The following TEX9 variants were observed in gnomAD, a reference collection of about 807,000 sequenced individuals.
TEX9 encodes testis expressed 9, also known as testis-expressed protein 9.
TEX9 carries 74 observed loss-of-function variants against 59.6 expected under a neutral mutation model. That is an observed-to-expected ratio of 1.24 (90% CI 1.03 to 1.51). The LOEUF (loss-of-function observed/expected upper bound fraction) is 1.51, where lower values mean the gene tolerates loss of function less well. Ranked by LOEUF, TEX9 falls within the 40% of genes most tolerant of loss-of-function variation. The probability of loss-of-function intolerance (pLI) is 0.00; values close to 1 mark genes in which losing one functional copy is unlikely to be tolerated. For missense variants in TEX9, 522 were observed against 447.8 expected, an observed-to-expected ratio of 1.17 and a Z score of -1.49; for synonymous variants, 186 against 152.2, an observed-to-expected ratio of 1.22 and a Z score of -1.64.
intron 1 of TEX9, among the ~76,000 whole-genome samples, chr15:56,358,225 G>A (rs2046720459): frequency 6.6e-6 from 1 of 152,064 alleles, no homozygotes; most frequent in Non-Finnish European, 1.5e-5. Flanking sequence ...ATTCTTAAAT[G>A]CCTACTATCA....
intron 2 of TEX9, among the ~76,000 whole-genome samples, chr15:56,368,399 CCTTT>C (rs2047040821): frequency 6.6e-6 from 1 of 152,018 alleles, no homozygotes; most frequent in Non-Finnish European, 1.5e-5. Flanking sequence ...TACTTCTTTT[CCTTT>C]CTGTTTTTGA....
intron 1 of TEX9, chr15:56,248,706 C>G (rs376313340): frequency 6.6e-6 from 1 of 152,112 alleles, no homozygotes; most frequent in South Asian, 2.1e-4. Flanking sequence ...TAACTTGGGC[C>G]AAAAAGTCCC....
intron 1 of TEX9, among the ~76,000 whole-genome samples, chr15:56,313,234 G>A (rs1439007636): frequency 7.6e-6 from 1 of 131,222 alleles, no homozygotes; most frequent in African/African-American, 2.8e-5. Flanking sequence ...AGTTTTCAAA[G>A]GGAATGCTTC....
chr15:56,310,768 G>A (rs1375094257), intron 1 of TEX9, among the ~76,000 whole-genome samples: 1 of 152,164 alleles, frequency 6.6e-6, no homozygotes. Flanking sequence ...GAGGGTCAGG[G>A]AGCACAGAAC....
At chr15:56,246,981 T>C (rs527983901) in intron 1 of TEX9, among the ~76,000 whole-genome samples, 44 of 152,326 alleles carry the variant, frequency 2.9e-4, no homozygotes, top group Admixed American at 5.2e-4. Flanking sequence ...ATCTACAAGA[T>C]GGATTGTCAG....
At chr15:56,430,393 A>G (rs1241041810) in intron 12 of TEX9, among the ~76,000 whole-genome samples, 1 of 151,994 alleles carries the variant, frequency 6.6e-6, no homozygotes, top group African/African-American at 2.4e-5. Flanking sequence ...TTTTGTAGCA[A>G]TGGCATCTCC....
At chr15:56,323,507 C>G (rs551494640) in intron 1 of TEX9, 18 of 196,974 alleles carry the variant, frequency 9.1e-5, no homozygotes, top group African/African-American at 4.3e-4. Flanking sequence ...GCACAAATGA[C>G]AAGCAGCCTT....
Position 56,280,879 on chromosome 15 carries a change from A to G in TEX9, c.-107+36601A>G, listed in dbSNP as rs374899114. 6.6e-5 allele frequency among the ~76,000 whole-genome samples: 10 copies of G among 152,354 alleles called. No homozygotes were observed. The East Asian group carries it at 1.9e-3, about 29-fold the overall frequency. On this transcript the variant is annotated intron_variant, in intron 1 of 5. Coordinates refer to the TEX9 transcript ENST00000560827. ...AACTTACGCCTAGCATAGATCTGCT[A>G]AAGTAATTTCAACCATGTGCTGGGG...
chr15:56,348,008 A>AT (rs2046504849), intron 1 of TEX9, among the ~76,000 whole-genome samples: 1 of 152,116 alleles, frequency 6.6e-6, no homozygotes, highest in African/African-American at 2.4e-5. Flanking sequence ...GCATGTATTT[A>AT]TAGACATCAA....
chr15:56,415,310 C>A lies in TEX9; in HGVS notation c.963+2874C>A, dbSNP rs962541545. Among the ~76,000 whole-genome samples the A allele has an allele frequency of 2.6e-5, 4 of 151,926 alleles. No individual in the cohort carries two copies. The South Asian group carries it at 8.3e-4, about 32-fold the overall frequency. ...CTGTCTTTGTCGTGAAATCTTTGCC[C>A]GTTCCTATGTCCAAAATGGTATTGC... On this transcript the variant is annotated intron_variant, in intron 10 of 12. Coordinates refer to ENST00000352903, the Ensembl canonical transcript of TEX9.
chr15:56,312,644 A>G (rs2045650019), intron 1 of TEX9, among the ~76,000 whole-genome samples: 1 of 141,634 alleles, frequency 7.1e-6, no homozygotes, highest in African/African-American at 2.7e-5. Context: ...TTTTGGTTCC[A>G]TATGAACTTT....
rs112841522 is a variant in TEX9, at chr15:56,389,006, T to C, written c.313-312T>C. Among the ~76,000 whole-genome samples, 60 of 152,110 alleles carry C rather than the reference T, an allele frequency of 3.9e-4. 1 individual carries two copies. The highest frequency in any genetic ancestry group is 1.3e-3 in the African/African-American group (54 of 41,524). On this transcript the variant is annotated intron_variant, in intron 5 of 12. Coordinates refer to ENST00000352903, the Ensembl canonical transcript of TEX9. The stretch of plus-strand genomic sequence containing the variant: ...CACGGGAGGTCTGCCTGGGGAATAA[T>C]TGGTTCATGAGGAGAACTAAATTCT...
chr15:56,283,818 A>G (rs1261988539), intron 1 of TEX9, among the ~76,000 whole-genome samples: 3 of 152,176 alleles, frequency 2.0e-5, no homozygotes, highest in African/African-American at 7.2e-5. Flanking sequence ...AAAAAATCAC[A>G]ATTAATTTGG....
At chr15:56,391,490 A>C in intron 7 of TEX9, 72 bp downstream of exon 7, 1 of 1,058,366 alleles carries the variant, frequency 9.4e-7, no homozygotes, top group Non-Finnish European at 1.3e-6. Context: ...TTGGGGAACT[A>C]TTTCTTCCAT....
chr15:56,245,494 A>T (rs1164505830), intron 1 of TEX9, among the ~76,000 whole-genome samples: 3 of 152,186 alleles, frequency 2.0e-5, no homozygotes, highest in African/African-American at 7.2e-5. Flanking sequence ...GTGGTTTACG[A>T]CATTCATTTT....
chr15:56,365,591 C>T, exon 2 of TEX9: 1 of 1,614,216 alleles, frequency 6.2e-7, no homozygotes, highest in Non-Finnish European at 8.5e-7. Flanking sequence ...AAGCAGCGTT[C>T]CAGGGACTCC....
chr15:56,372,161 T>G (rs372338872), intron 2 of TEX9, among the ~76,000 whole-genome samples: 1 of 152,206 alleles, frequency 6.6e-6, no homozygotes. Flanking sequence ...TCCTTGTGAT[T>G]AAGTCCTTGT....
chr15:56,250,238 A>G (rs1377243650), intron 1 of TEX9, among the ~76,000 whole-genome samples: 1 of 152,216 alleles, frequency 6.6e-6, no homozygotes, highest in East Asian at 1.9e-4. Context: ...GGTAGGTGAG[A>G]TATATAAGAT....
At chr15:56,323,029 G>A (rs2045937691) in intron 1 of TEX9, among the ~76,000 whole-genome samples, 1 of 152,090 alleles carries the variant, frequency 6.6e-6, no homozygotes, top group African/African-American at 2.4e-5. Context: ...GCAGTACACT[G>A]AGCTCCATAG....
Sources: gnomAD v4.1 joint callset for allele counts (sites outside exome capture counted in the v4.1 genomes callset) on GRCh38, gnomAD v4.1.1 for gene constraint, MANE v1.5 for transcripts, NCBI Gene and HGNC (gene_info 2026-07-23, HGNC 2026-07-21) for gene names.